The following TBL1Y variants were observed in gnomAD, a reference collection of about 807,000 sequenced individuals.
TBL1Y encodes the protein transducin beta like 1 Y-linked, also known as F-box-like/WD repeat-containing protein TBL1Y.
A neutral mutation model predicts 12.0 loss-of-function variants in TBL1Y; 15 were observed. That is an observed-to-expected ratio of 1.25 (90% CI 0.83 to 1.92). The LOEUF is 1.92. TBL1Y is among the 40% of genes most tolerant of loss of function. TBL1Y has a pLI of 0.00. For synonymous variants in TBL1Y, 53 were observed against 42.6 expected (o/e 1.24, Z -0.95); for missense variants, 148 against 116.7 (o/e 1.27, Z -1.24).
intron 4 of TBL1Y, among the ~76,000 whole-genome samples, chrY:7,020,763 G>A: frequency 6.0e-5 from 2 of 33,363 alleles, no homozygotes; most frequent in Admixed American, 5.5e-4. Flanking sequence ...TATAAACCTG[G>A]CTTACTGAAA....
At chrY:6,985,740 T>C in intron 3 of TBL1Y, among the ~76,000 whole-genome samples, 1 of 32,466 alleles carries the variant, frequency 3.1e-5, no homozygotes, top group Non-Finnish European at 7.5e-5. Flanking sequence ...CGCTGTGAGT[T>C]GTCTTTTTCT....
intron 7 of TBL1Y, among the ~76,000 whole-genome samples, chrY:7,062,290 C>T: frequency 3.0e-5 from 1 of 33,868 alleles, no homozygotes; most frequent in Non-Finnish European, 7.3e-5. Context: ...TTGCCTCCAA[C>T]AAAGGGCGTA....
intron 7 of TBL1Y, among the ~76,000 whole-genome samples, chrY:7,055,968 C>T: frequency 3.0e-5 from 1 of 33,289 alleles, no homozygotes; most frequent in Non-Finnish European, 7.4e-5. Context: ...TGTTCAAGTT[C>T]GGGGAGTATA....
intron 2 of TBL1Y, among the ~76,000 whole-genome samples, chrY:6,952,813 A>G (rs2012041761): frequency 3.0e-5 from 1 of 33,253 alleles, no homozygotes; most frequent in East Asian, 7.8e-4. Flanking sequence ...AGCGGCTGGT[A>G]CCAGTTGTTC....
intron 2 of TBL1Y, among the ~76,000 whole-genome samples, chrY:6,916,304 C>T: frequency 3.3e-5 from 1 of 30,225 alleles, no homozygotes; most frequent in Non-Finnish European, 7.8e-5. Flanking sequence ...CTCCACGTGT[C>T]TAAAGGGCAA....
chrY:7,002,784 T>A, intron 4 of TBL1Y, among the ~76,000 whole-genome samples: 1 of 33,824 alleles, frequency 3.0e-5, no homozygotes, highest in South Asian at 6.7e-4. Flanking sequence ...GCAACATATC[T>A]TACATCTCTG....
intron 5 of TBL1Y, among the ~76,000 whole-genome samples, chrY:7,022,319 T>A: frequency 3.1e-5 from 1 of 32,065 alleles, no homozygotes; most frequent in African/African-American, 1.2e-4. Context: ...TGAGGGAGAT[T>A]TTTGCTTTAC....
At chrY:6,950,229 A>G (rs2124108992) in intron 2 of TBL1Y, among the ~76,000 whole-genome samples, 1 of 33,561 alleles carries the variant, frequency 3.0e-5, no homozygotes, top group Non-Finnish European at 7.4e-5. Flanking sequence ...ATTTTCCCAT[A>G]CTATAAACGA....
chrY:6,984,538 C>G, intron 3 of TBL1Y, among the ~76,000 whole-genome samples: 1 of 33,218 alleles, frequency 3.0e-5, no homozygotes, highest in Non-Finnish European at 7.4e-5. Context: ...CCTTCTGTCT[C>G]CTTCCAGGCC....
intron 2 of TBL1Y, among the ~76,000 whole-genome samples, chrY:6,936,294 T>G (rs2011902693): frequency 2.9e-5 from 1 of 34,008 alleles, no homozygotes; most frequent in Admixed American, 2.7e-4. Context: ...GATGGTATGG[T>G]CAGGTGATAT....
chrY:7,064,055 G>T lies in TBL1Y; in HGVS notation c.363G>T (p.Ala121=). 1 of 398,314 alleles carries T rather than the reference G, an allele frequency of 2.5e-6. No homozygotes were observed. Among genetic ancestry groups the T allele is most frequent in the Non-Finnish European group, 3.5e-6 (1 of 283,431 alleles). ...AATEASAMAK[A]ATMTPAAISQ... is the part of the protein sequence containing the mutation. ...CAGAGGCATCAGCAATGGCAAAGGCGGCAACCATGACCCCAGCTGCTATTT... is the reference window on the plus strand; with the variant it reads ...CAGAGGCATCAGCAATGGCAAAGGCTGCAACCATGACCCCAGCTGCTATTT... The change falls in exon 8 of 19, where the codon GCG becomes GCT. Residue 121 remains alanine, a synonymous_variant. Coordinates refer to ENST00000383032, the MANE Select transcript of TBL1Y (RefSeq NM_033284.2).
intron 8 of TBL1Y, 28 bp from the exon 9 acceptor site, chrY:7,070,168 A>G (rs1289706450): frequency 2.5e-6 from 1 of 396,110 alleles, no homozygotes; most frequent in East Asian, 9.3e-5. Flanking sequence ...TTGGTAAGCC[A>G]TATGTCTCTT....
At chrY:7,061,653 G>T in intron 7 of TBL1Y, among the ~76,000 whole-genome samples, 1 of 32,343 alleles carries the variant, frequency 3.1e-5, no homozygotes, top group Admixed American at 2.9e-4. Flanking sequence ...CGGAAGTGGA[G>T]CTACTTATTC....
intron 12 of TBL1Y, among the ~76,000 whole-genome samples, chrY:7,073,738 G>A (rs2013047041): frequency 5.9e-5 from 2 of 33,786 alleles, no homozygotes; most frequent in African/African-American, 2.3e-4. Flanking sequence ...ACAGAGAGAT[G>A]TAAACTTTAT....
chrY:7,013,436 G>A, intron 4 of TBL1Y, among the ~76,000 whole-genome samples: 1 of 34,397 alleles, frequency 2.9e-5, no homozygotes, highest in Non-Finnish European at 7.3e-5. Flanking sequence ...AGAAGCACAA[G>A]CTGCATTAGA....
At chrY:6,960,194 A>G in intron 2 of TBL1Y, among the ~76,000 whole-genome samples, 1 of 33,880 alleles carries the variant, frequency 3.0e-5, no homozygotes, top group Non-Finnish European at 7.3e-5. Context: ...CCTGACTAAC[A>G]GAATATGATG....
At chrY:7,013,065 G>A in intron 4 of TBL1Y, among the ~76,000 whole-genome samples, 3 of 34,287 alleles carry the variant, frequency 8.7e-5, no homozygotes, top group Admixed American at 2.6e-4. Flanking sequence ...TGGGATTGGC[G>A]CCCTGATATG....
At chrY:6,983,432 A>C (rs748091741) in intron 3 of TBL1Y, among the ~76,000 whole-genome samples, 1 of 32,867 alleles carries the variant, frequency 3.0e-5, no homozygotes, top group South Asian at 7.2e-4. Flanking sequence ...TTTATGCCCG[A>C]CTAACTCAGG....
chrY:6,973,907 C>T, intron 2 of TBL1Y, among the ~76,000 whole-genome samples: 3 of 33,188 alleles, frequency 9.0e-5, no homozygotes, highest in Admixed American at 2.8e-4. Context: ...TCCTAAGAAG[C>T]GTGTGTAAAT....
Sources: allele counts gnomAD v4.1 joint callset (sites outside exome capture counted in the v4.1 genomes callset), GRCh38; gene constraint gnomAD v4.1.1; transcripts MANE v1.5; gene names NCBI Gene and HGNC (gene_info 2026-07-23, HGNC 2026-07-21).